Variants in DOCK2 observed in about 807,000 individuals in gnomAD.
DOCK2 encodes the protein dedicator of cytokinesis 2.
A neutral mutation model predicts 248.9 loss-of-function variants in DOCK2; 87 were observed. The ratio of observed to expected loss-of-function variants is 0.35; its 90% CI spans 0.29 to 0.42. The LOEUF (loss-of-function observed/expected upper bound fraction) is 0.42. DOCK2 is among the 10% of genes least tolerant of loss of function. The probability of loss-of-function intolerance (pLI) is 1.00; values close to 1 mark genes in which losing one functional copy is unlikely to be tolerated. For synonymous variants in DOCK2, 805 were observed against 821.6 expected, an observed-to-expected ratio of 0.98 and a Z score of 0.35; for missense variants, 1,747 against 2,300.2, an observed-to-expected ratio of 0.76 and a Z score of 4.92.
At chr5:170,029,729 C>G (rs1756060255) in intron 34 of DOCK2, among the ~76,000 whole-genome samples, 1 of 152,216 alleles carries the variant, frequency 6.6e-6, no homozygotes, top group African/African-American at 2.4e-5. Context: ...TCTCTGATTT[C>G]TATAATTCTC....
intron 25 of DOCK2, among the ~76,000 whole-genome samples, chr5:169,802,294 T>C (rs1265331251): frequency 6.6e-6 from 1 of 152,222 alleles, no homozygotes; most frequent in African/African-American, 2.4e-5. Flanking sequence ...CCCAAAGAGC[T>C]GGGATTACAG....
intron 34 of DOCK2, among the ~76,000 whole-genome samples, chr5:170,030,878 C>T (rs1434260666): frequency 3.3e-5 from 5 of 152,320 alleles, no homozygotes; most frequent in South Asian, 2.1e-4. Context: ...GGGCACATGG[C>T]TTGGATGGGG....
chr5:169,676,039 G>A (rs1759316584), intron 6 of DOCK2, among the ~76,000 whole-genome samples: 1 of 152,162 alleles, frequency 6.6e-6, no homozygotes, highest in Non-Finnish European at 1.5e-5. Flanking sequence ...TGAGTGTGTG[G>A]GAATTGAGGG....
chr5:169,835,553 C>A (rs757765888), intron 26 of DOCK2, among the ~76,000 whole-genome samples: 7 of 151,836 alleles, frequency 4.6e-5, no homozygotes, highest in Non-Finnish European at 7.4e-5. Context: ...GCGGGCCTGG[C>A]CAAAATGCTT....
At chr5:169,898,283 G>A (rs571833920) in intron 27 of DOCK2, among the ~76,000 whole-genome samples, 4 of 152,128 alleles carry the variant, frequency 2.6e-5, no homozygotes, top group African/African-American at 2.4e-5. Context: ...CTCCGCTTGG[G>A]AAGGGCCATA....
chr5:169,735,753 G>A (rs1324518056), intron 22 of DOCK2, among the ~76,000 whole-genome samples: 1 of 152,074 alleles, frequency 6.6e-6, no homozygotes, highest in African/African-American at 2.4e-5. Flanking sequence ...AAAAGCTGCC[G>A]GTATTAGTCT....
At chr5:169,794,101 C>G (rs1298853808) in intron 25 of DOCK2, among the ~76,000 whole-genome samples, 1 of 152,130 alleles carries the variant, frequency 6.6e-6, no homozygotes, top group African/African-American at 2.4e-5. Flanking sequence ...CAGGGCTGCC[C>G]TCGGGCTGCA....
intron 27 of DOCK2, among the ~76,000 whole-genome samples, chr5:169,895,557 C>A (rs75345097): frequency 6.6e-6 from 1 of 152,044 alleles, no homozygotes; most frequent in Non-Finnish European, 1.5e-5. Context: ...TAGGATCACA[C>A]TCCCTAAAGC....
chr5:169,739,640 G>A (rs184645411), intron 22 of DOCK2, among the ~76,000 whole-genome samples: 13 of 152,160 alleles, frequency 8.5e-5, no homozygotes, highest in East Asian at 3.9e-4. Context: ...GTGTGTCTGC[G>A]TAATCATCTG....
intron 27 of DOCK2, among the ~76,000 whole-genome samples, chr5:169,896,903 T>C (rs932425014): frequency 1.4e-4 from 22 of 152,002 alleles, no homozygotes; most frequent in Admixed American, 2.6e-4. Flanking sequence ...ATAAAGTTAA[T>C]AAAGAGGAGA....
intron 14 of DOCK2, among the ~76,000 whole-genome samples, chr5:169,707,098 T>C (rs1276411881): frequency 3.3e-5 from 5 of 152,174 alleles, no homozygotes; most frequent in African/African-American, 1.2e-4. Context: ...GGATTGAAAA[T>C]TGTTTGGCCT....
intron 33 of DOCK2, among the ~76,000 whole-genome samples, chr5:170,026,882 G>C (rs1244055220): frequency 6.6e-6 from 1 of 152,120 alleles, no homozygotes; most frequent in Non-Finnish European, 1.5e-5. Flanking sequence ...CCTGACATTT[G>C]CTCCATGTTT....
intron 27 of DOCK2, among the ~76,000 whole-genome samples, chr5:169,907,118 G>A (rs935483842): frequency 1.3e-5 from 2 of 152,150 alleles, no homozygotes; most frequent in Non-Finnish European, 2.9e-5. Context: ...GAAATCAATC[G>A]AAAGATATGG....
At chr5:169,779,216 G>A (rs552922477) in intron 25 of DOCK2, 1 of 152,390 alleles carries the variant, frequency 6.6e-6, no homozygotes, top group South Asian at 2.1e-4. Flanking sequence ...GAAAGAGGAA[G>A]TGGCTCTTCT....
chr5:169,900,846 G>T (rs1319300184), intron 27 of DOCK2, among the ~76,000 whole-genome samples: 3 of 152,028 alleles, frequency 2.0e-5, no homozygotes, highest in Non-Finnish European at 4.4e-5. Flanking sequence ...AGCCTGCCTG[G>T]AATTGACTGT....
chr5:169,660,506 T>C (rs2113221885), intron 2 of DOCK2, among the ~76,000 whole-genome samples: 1 of 152,314 alleles, frequency 6.6e-6, no homozygotes, highest in Non-Finnish European at 1.5e-5. Context: ...TTTGAAAATA[T>C]TGGAGTGCTT....
At chr5:169,987,797 T>A (rs996520572) in intron 29 of DOCK2, among the ~76,000 whole-genome samples, 1 of 152,218 alleles carries the variant, frequency 6.6e-6, no homozygotes, top group Non-Finnish European at 1.5e-5. Context: ...GATTTGTATC[T>A]CTTAAGGGTC....
chr5:169,882,792 C>G (rs1198609887), intron 27 of DOCK2: 4 of 1,551,610 alleles, frequency 2.6e-6, no homozygotes, highest in Non-Finnish European at 3.5e-6. Context: ...AATTTGGAAA[C>G]TCCAGTGTGT....
intron 25 of DOCK2, among the ~76,000 whole-genome samples, chr5:169,787,706 CTTTT>C (rs71575577): frequency 1.4e-4 from 19 of 136,538 alleles, no homozygotes; most frequent in Middle Eastern, 3.7e-3. Flanking sequence ...TCCACTTTTG[CTTTT>C]TTTTTTTTTT....
Sources: gnomAD v4.1 joint callset for allele counts (sites outside exome capture counted in the v4.1 genomes callset) on GRCh38, gnomAD v4.1.1 for gene constraint, MANE v1.5 for transcripts, NCBI Gene and HGNC (gene_info 2026-07-23, HGNC 2026-07-21) for gene names.